GPR158: variants seen among roughly 807,000 people sequenced by gnomAD.
The protein encoded by GPR158 is G protein-coupled receptor 158, also known as metabotropic glycine receptor.
Under a neutral mutation model 78.2 loss-of-function variants are expected in GPR158, and 30 were observed. The ratio of observed to expected loss-of-function variants is 0.38; its 90% CI spans 0.29 to 0.52. GPR158 has a LOEUF of 0.52. GPR158 is among the 20% of genes least tolerant of loss of function. The pLI is 0.83. For synonymous variants in GPR158, 581 were observed against 591.1 expected, an observed-to-expected ratio of 0.98 and a Z score of 0.25; for missense variants, 1,463 against 1,523.5, an observed-to-expected ratio of 0.96 and a Z score of 0.66.
intron 5 of GPR158, among the ~76,000 whole-genome samples, chr10:25,478,215 G>A (rs1835615224): frequency 6.6e-6 from 1 of 152,130 alleles, no homozygotes; most frequent in Admixed American, 6.6e-5. Context: ...AAAATTGAGA[G>A]TTGGAATCTT....
chr10:25,209,671 A>G (rs1402300458), intron 1 of GPR158, among the ~76,000 whole-genome samples: 1 of 152,212 alleles, frequency 6.6e-6, no homozygotes, highest in East Asian at 1.9e-4. Flanking sequence ...TTTGGCTCCA[A>G]AATCCTATCT....
At chr10:25,187,843 G>A (rs1230401450) in intron 1 of GPR158, among the ~76,000 whole-genome samples, 1 of 152,304 alleles carries the variant, frequency 6.6e-6, no homozygotes, top group East Asian at 1.9e-4. Flanking sequence ...AAGTCAAATT[G>A]TCCCTGTTTG....
At chr10:25,516,199 C>G (rs1836170412) in intron 5 of GPR158, among the ~76,000 whole-genome samples, 1 of 151,430 alleles carries the variant, frequency 6.6e-6, no homozygotes, top group Non-Finnish European at 1.5e-5. Context: ...TGTCCTTTGC[C>G]CACTTTTTGA....
intron 5 of GPR158, among the ~76,000 whole-genome samples, chr10:25,520,909 G>C (rs112920694): frequency 6.6e-6 from 1 of 152,168 alleles, no homozygotes; most frequent in African/African-American, 2.4e-5. Flanking sequence ...GGAGCTTCCC[G>C]GCTTCTTTGT....
chr10:25,557,790 T>C (rs1291974073), intron 6 of GPR158, among the ~76,000 whole-genome samples: 2 of 152,210 alleles, frequency 1.3e-5, no homozygotes, highest in Non-Finnish European at 2.9e-5. Flanking sequence ...ATAAAATCTG[T>C]AACATCAATG....
intron 5 of GPR158, among the ~76,000 whole-genome samples, chr10:25,517,793 T>G (rs1836202300): frequency 6.6e-6 from 1 of 151,232 alleles, no homozygotes; most frequent in African/African-American, 2.4e-5. Flanking sequence ...GTTGAGGATT[T>G]TTGCATCAAT....
intron 1 of GPR158, among the ~76,000 whole-genome samples, chr10:25,204,904 C>T (rs1452365434): frequency 6.8e-6 from 1 of 146,052 alleles, no homozygotes; most frequent in Non-Finnish European, 1.5e-5. Context: ...CAAATCTCAT[C>T]TTGAATTGTA....
At chr10:25,526,790 C>T (rs892080310) in intron 5 of GPR158, among the ~76,000 whole-genome samples, 1 of 152,138 alleles carries the variant, frequency 6.6e-6, no homozygotes, top group African/African-American at 2.4e-5. Flanking sequence ...CAAGAAACAA[C>T]CCCAGTGAAG....
intron 5 of GPR158, among the ~76,000 whole-genome samples, chr10:25,469,204 C>T (rs1468948550): frequency 6.6e-6 from 1 of 152,142 alleles, no homozygotes; most frequent in African/African-American, 2.4e-5. Flanking sequence ...CTCATCTAGC[C>T]TCAAAGTTTA....
At chr10:25,280,966 C>T (rs1037194541) in intron 2 of GPR158, among the ~76,000 whole-genome samples, 2 of 150,938 alleles carry the variant, frequency 1.3e-5, no homozygotes, top group African/African-American at 2.4e-5. Context: ...AAAATCCCCT[C>T]TCTACTAAAA....
Position 25,597,968 on chromosome 10 carries a change from C to G in GPR158, c.2342C>G (p.Thr781Arg). 1 of 1,613,950 alleles carries G rather than the reference C, an allele frequency of 6.2e-7. No individual in the cohort carries two copies. Among genetic ancestry groups the G allele is most frequent in the Non-Finnish European group, 8.5e-7 (1 of 1,179,884 alleles). Residue 781 changes from threonine to arginine, a missense_variant, in exon 11 of 11, where the codon ACA (threonine) becomes AGA (arginine). Coordinates refer to ENST00000376351, the MANE Select transcript of GPR158 (RefSeq NM_020752.3). The part of the protein sequence containing the change: ...KEDKEGADHG[T>R]AKGTALIRKN... ...GACAAGGAGGGCGCCGACCATGGCA[C>G]AGCCAAAGGCACTGCCCTCATCAGG...
At chr10:25,544,869 C>T (rs1160916694) in intron 5 of GPR158, among the ~76,000 whole-genome samples, 1 of 152,088 alleles carries the variant, frequency 6.6e-6, no homozygotes, top group Non-Finnish European at 1.5e-5. Context: ...CCCCCCAACC[C>T]CTGACAGGCC....
At chr10:25,290,990 A>C (rs1479216936) in intron 2 of GPR158, among the ~76,000 whole-genome samples, 1 of 152,106 alleles carries the variant, frequency 6.6e-6, no homozygotes, top group African/African-American at 2.4e-5. Context: ...AAAGTAAAAA[A>C]TAATACAATC....
chr10:25,317,716 G>GTTTTTTGTT (rs1854876874), intron 2 of GPR158, among the ~76,000 whole-genome samples: 1 of 134,064 alleles, frequency 7.5e-6, no homozygotes, highest in Non-Finnish European at 1.5e-5. Context: ...TTCGTAAAGT[G>GTTTTTTGTT]TTTTTTTTTG....
intron 2 of GPR158, among the ~76,000 whole-genome samples, chr10:25,326,403 G>GT (rs894314713): frequency 6.6e-6 from 1 of 151,884 alleles, no homozygotes; most frequent in African/African-American, 2.4e-5. Context: ...TTGCTATTGA[G>GT]TTTTTTTGAG....
At chr10:25,272,019 T>C (rs752933360) in intron 2 of GPR158, among the ~76,000 whole-genome samples, 20 of 152,140 alleles carry the variant, frequency 1.3e-4, no homozygotes, top group Non-Finnish European at 2.2e-4. Context: ...TAATAATGAA[T>C]TCTTCCTGTC....
chr10:25,361,626 A>G (rs1054950686), intron 2 of GPR158, among the ~76,000 whole-genome samples: 1 of 151,958 alleles, frequency 6.6e-6, no homozygotes, highest in Non-Finnish European at 1.5e-5. Flanking sequence ...GATAGTAGCT[A>G]TACTAATGGA....
chr10:25,510,863 T>A (rs1836075622), intron 5 of GPR158, among the ~76,000 whole-genome samples: 1 of 152,192 alleles, frequency 6.6e-6, no homozygotes, highest in Non-Finnish European at 1.5e-5. Context: ...CGGGTTGCTG[T>A]GAATGCTATT....
intron 2 of GPR158, among the ~76,000 whole-genome samples, chr10:25,384,687 C>G (rs1446346914): frequency 1.1e-5 from 1 of 90,938 alleles, no homozygotes; most frequent in African/African-American, 4.5e-5. Context: ...TTTTTCGGCA[C>G]AAGTATTATT....
Sources: allele counts gnomAD v4.1 joint callset (sites outside exome capture counted in the v4.1 genomes callset), GRCh38; gene constraint gnomAD v4.1.1; transcripts MANE v1.5; gene names NCBI Gene and HGNC (gene_info 2026-07-23, HGNC 2026-07-21).